Variants in TPP2 observed in about 807,000 individuals in gnomAD.
TPP2 encodes the protein tripeptidyl-peptidase 2.
In TPP2, 34 loss-of-function variants were observed where a neutral mutation model predicts 155.9. The observed-to-expected ratio is 0.22, with a 90% CI of 0.17 to 0.29. The LOEUF (loss-of-function observed/expected upper bound fraction) is 0.29. Among genes scored for constraint, TPP2 ranks in the 10% least tolerant of loss-of-function variants. TPP2 has a pLI of 1.00. For synonymous variants in TPP2, 510 were observed against 529.4 expected (o/e 0.96, Z 0.50); for missense variants, 1,028 against 1,522.3 (o/e 0.68, Z 5.40).
chr13:102,615,392 C>G (rs890943165), intron 3 of TPP2, among the ~76,000 whole-genome samples: 2 of 152,026 alleles, frequency 1.3e-5, no homozygotes, highest in East Asian at 3.9e-4. Context: ...TCAAGTGATC[C>G]GCCTGCCTCA....
At position 102,635,715 on chromosome 13, in the gene TPP2, A is replaced by T; in HGVS notation, c.1509+13A>T. 1 of 1,583,362 alleles carries T rather than the reference A, an allele frequency of 6.3e-7. No individual in the cohort carries two copies. Among genetic ancestry groups the T allele is most frequent in the Non-Finnish European group, 8.7e-7 (1 of 1,154,988 alleles). ...TGGTATTATTCAGGTATTGTTGCCTATATGAAAAATGGGTTGTAAAGCATC... is the reference window on the plus strand; with the variant it reads ...TGGTATTATTCAGGTATTGTTGCCTTTATGAAAAATGGGTTGTAAAGCATC... On this transcript the variant is annotated intron_variant, in intron 12 of 29. Transcript: ENST00000376052.
intron 5 of TPP2, among the ~76,000 whole-genome samples, chr13:102,620,148 C>A (rs987630559): frequency 1.1e-4 from 17 of 152,152 alleles, no homozygotes; most frequent in Admixed American, 1.1e-3. Context: ...GAAAAGGAAT[C>A]CGGAGTCAGG....
chr13:102,613,561 C>G (rs1750385177), intron 2 of TPP2, among the ~76,000 whole-genome samples: 1 of 152,116 alleles, frequency 6.6e-6, no homozygotes, highest in Non-Finnish European at 1.5e-5. Flanking sequence ...TGGGTTCCTT[C>G]TAGTTAGTGA....
At chr13:102,608,098 G>C (rs1404637679) in intron 2 of TPP2, 1 of 152,032 alleles carries the variant, frequency 6.6e-6, no homozygotes, top group Non-Finnish European at 1.5e-5. Flanking sequence ...CCTCATTGTG[G>C]GTTTTTAAAC....
At chr13:102,646,256 T>C (rs1380576757) in intron 19 of TPP2, 38 bp from the exon 20 acceptor site, 2 of 1,525,748 alleles carry the variant, frequency 1.3e-6, no homozygotes, top group Non-Finnish European at 1.8e-6. Context: ...TTCAATGAAC[T>C]CTTGAATCAA....
intron 2 of TPP2, 134 bp from the exon 3 acceptor site, chr13:102,613,967 G>A (rs1191415692): frequency 3.7e-5 from 24 of 653,412 alleles, no homozygotes; most frequent in Middle Eastern, 5.9e-4. Context: ...TATTAAACAC[G>A]TTGTTGTACA....
At chr13:102,614,943 T>A (rs150875798) in intron 3 of TPP2, among the ~76,000 whole-genome samples, 7 of 152,304 alleles carry the variant, frequency 4.6e-5, no homozygotes, top group Non-Finnish European at 8.8e-5. Context: ...GGCTAGTGAC[T>A]ACCGTTTTAA....
intron 24 of TPP2, among the ~76,000 whole-genome samples, chr13:102,656,344 G>C (rs932975216): frequency 5.9e-5 from 9 of 152,048 alleles, no homozygotes; most frequent in Admixed American, 2.0e-4. Context: ...GCTGCTGCCT[G>C]CTTTCTCAGA....
At chr13:102,644,522 G>A (rs1239200479) in intron 17 of TPP2, 35 bp from the exon 18 acceptor site, 3 of 1,488,972 alleles carry the variant, frequency 2.0e-6, no homozygotes, top group African/African-American at 1.4e-5. Flanking sequence ...AGAAAAATAA[G>A]AAAAGAGATA....
chr13:102,623,878 GCT>G lies in TPP2; in HGVS notation c.784+842_784+843del, dbSNP rs553803419. ...GTGTTTGTGTATAACCTACACACAT[GCT>G]CTCCCATGTGCTTTCAGCATCTCTA... On this transcript the variant is annotated intron_variant, in intron 6 of 29. Coordinates refer to ENST00000376052, the MANE Select transcript of TPP2 (RefSeq NM_001330588.2). 7.1e-3 allele frequency among the ~76,000 whole-genome samples: 1,077 copies of G among 152,242 alleles called. 11 individuals carry two copies. The highest frequency in any genetic ancestry group is 0.023 in the African/African-American group (949 of 41,534).
chr13:102,630,332 T>A, intron 10 of TPP2, 137 bp downstream of exon 10: 1 of 576,044 alleles, frequency 1.7e-6, no homozygotes, highest in Non-Finnish European at 3.0e-6. Flanking sequence ...TCATTTTGAT[T>A]AACAGTCTCA....
At chr13:102,634,855 A>G (rs1393107612) in intron 11 of TPP2, among the ~76,000 whole-genome samples, 1 of 152,186 alleles carries the variant, frequency 6.6e-6, no homozygotes, top group Non-Finnish European at 1.5e-5. Context: ...CTTGGCCTCC[A>G]TCTTTGGGTG....
At chr13:102,666,026 T>C (rs1884569666) in intron 27 of TPP2, among the ~76,000 whole-genome samples, 1 of 152,250 alleles carries the variant, frequency 6.6e-6, no homozygotes, top group African/African-American at 2.4e-5. Context: ...CATTTTGTTG[T>C]TGTTGTTAAT....
rs774678921 is a variant in TPP2, at chr13:102,651,409, C to T, written c.2991+12C>T. On this transcript the variant is annotated intron_variant, in intron 24 of 29. Coordinates refer to ENST00000376052, the MANE Select transcript of TPP2 (RefSeq NM_001330588.2). ...GAAAATTTAAAAAGGTACTGATTGT[C>T]AGTTCTTAAAAAAGATGTCTTAAAG... The T allele has an allele frequency of 1.0e-5, 16 of 1,571,692 alleles. No homozygotes were observed. The South Asian group carries it at 1.9e-4, about 18-fold the overall frequency.
At chr13:102,661,592 A>G (rs1884233992) in intron 25 of TPP2, among the ~76,000 whole-genome samples, 1 of 152,206 alleles carries the variant, frequency 6.6e-6, no homozygotes, top group Non-Finnish European at 1.5e-5. Context: ...ACAAAGGCAA[A>G]TGGCTCAATT....
At chr13:102,624,166 A>C (rs894092715) in intron 6 of TPP2, among the ~76,000 whole-genome samples, 1 of 152,222 alleles carries the variant, frequency 6.6e-6, no homozygotes, top group Admixed American at 6.5e-5. Context: ...AGTACTATGC[A>C]GTGTTTATAG....
In TPP2 at chr13:102,673,122, G is replaced by A. The variant is rs556636135; in HGVS notation, c.3372-1161G>A. Among the ~76,000 whole-genome samples the A allele has an allele frequency of 1.9e-4, 29 of 152,202 alleles. 2 individuals are homozygous for A. The highest frequency in any genetic ancestry group is 1.2e-3 in the South Asian group (6 of 4,832). ...CGGTCTTGGGCAATGTTTCAGCAGC[G>A]GCATTTTCTATGGTACTTAGCGTTC... On this transcript the variant is annotated intron_variant, in intron 27 of 29. Transcript: ENST00000376052.
intron 28 of TPP2, 54 bp from the exon 29 acceptor site, chr13:102,676,242 G>A (rs762927584): frequency 4.2e-5 from 60 of 1,441,054 alleles, no homozygotes; most frequent in Non-Finnish European, 5.5e-5. Flanking sequence ...TAAAGCTAAT[G>A]CCTTAAAATG....
Position 102,636,269 on chromosome 13 carries a change from A to G in TPP2, c.1555A>G (p.Asn519Asp). The G allele has an allele frequency of 1.9e-6, 3 of 1,613,728 alleles. No individual in the cohort carries two copies. The highest frequency in any genetic ancestry group is 1.3e-5 in the African/African-American group (1 of 75,004). ...CCTCGTTCAGAATACATCATTTGCT[A>G]ATAAATTAGGTTTTACTGTTACTGT... ...DYLVQNTSFA[N>D]KLGFTVTVGN... Residue 519 changes from asparagine (N) to aspartate (D), a missense_variant, in exon 13 of 30, where the codon AAT becomes GAT. Coordinates refer to ENST00000376052, the MANE Select transcript of TPP2 (RefSeq NM_001330588.2).
Sources: allele counts gnomAD v4.1 joint callset (sites outside exome capture counted in the v4.1 genomes callset), GRCh38; gene constraint gnomAD v4.1.1; transcripts MANE v1.5; gene names NCBI Gene and HGNC (gene_info 2026-07-23, HGNC 2026-07-21).